The following LYL1 variants were observed in gnomAD, a reference collection of about 807,000 sequenced individuals.
The protein encoded by LYL1 is protein lyl-1.
A neutral mutation model predicts 11.1 loss-of-function variants in LYL1; 4 were observed. That is an observed-to-expected ratio of 0.36 (90% CI 0.18 to 0.82). The LOEUF is 0.82. LYL1 is among the 40% of genes least tolerant of loss of function. The pLI is 0.49. For missense variants in LYL1, 356 were observed against 397.6 expected, an observed-to-expected ratio of 0.90 and a Z score of 0.89; for synonymous variants, 179 against 174.8, an observed-to-expected ratio of 1.02 and a Z score of -0.19.
rs558303586 is a variant in LYL1, at chr19:13,099,304, T to C, written c.*15A>G. 57 of 1,265,052 alleles carry C rather than the reference T, an allele frequency of 4.5e-5. 1 individual carries two copies. In the Admixed American group the frequency reaches 1.7e-3, roughly 37 times the overall value. 78.4% of individuals were successfully genotyped at this position (1,265,052 alleles called of 1,614,324 possible). A position where few individuals can be genotyped will look rare whatever the true frequency, so the allele number is the denominator to read the frequency against. On this transcript the variant is annotated 3_prime_UTR_variant, in exon 4 of 4. Coordinates refer to ENST00000264824, the MANE Select transcript of LYL1 (RefSeq NM_005583.5). This position sits in a 1 kb window ranked among gnomAD's most constrained non-coding sequence, Gnocchi z 5.3. ...TCCCTGGTGCCCTCCGGCTCAGAGG[T>C]GCTGCCGCGTGCGGTCACCGCACCT...
rs2018676488 is a variant in LYL1, at chr19:13,100,819, C to T, written c.335+18G>A. On this transcript the variant is annotated intron_variant, in intron 2 of 3. Coordinates refer to ENST00000264824, the MANE Select transcript of LYL1 (RefSeq NM_005583.5). ...GGCCCCCAATCCCCACTGCCCCCCA[C>T]CCCAGATCCCCACTGACCTGTTGAG... The T allele has an allele frequency of 6.3e-7, 1 of 1,588,784 alleles. No individual in the cohort carries two copies. The highest frequency in any genetic ancestry group is 1.3e-5 in the African/African-American group (1 of 74,450).
At position 13,099,631 on chromosome 19, in the gene LYL1, C is replaced by T. The variant is rs1415060481; in HGVS notation, c.531G>A (p.Leu177=). The T allele has an allele frequency of 9.0e-6, 14 of 1,555,118 alleles. No homozygotes were observed. The highest frequency in any genetic ancestry group is 7.8e-5 in the Admixed American group (4 of 51,394). Residue 177 remains leucine (L), a synonymous_variant, in exon 4 of 4, where the codon CTG becomes CTA. Transcript: ENST00000264824. This position sits in a 1 kb window ranked among gnomAD's most constrained non-coding sequence, Gnocchi z 5.3. ...GCTTCCGGTCGGGCGGGTGCGTCGGCAGCAGCTTCCTCAGCTCGGCGAAGG... is the reference window on the plus strand; with the variant it reads ...GCTTCCGGTCGGGCGGGTGCGTCGGTAGCAGCTTCCTCAGCTCGGCGAAGG... The part of the protein sequence containing the change: ...NGAFAELRKL[L]PTHPPDRKLS...
Position 13,099,630 on chromosome 19 carries a change from G to C in LYL1, c.532C>G (p.Pro178Ala). 1.3e-6 allele frequency: 2 copies of C among 1,555,164 alleles called. No individual in the cohort carries two copies. The highest frequency in any genetic ancestry group is 1.7e-6 in the Non-Finnish European group (2 of 1,150,010). ...GAFAELRKLL[P>A]THPPDRKLSK... ...AGCTTCCGGTCGGGCGGGTGCGTCGGCAGCAGCTTCCTCAGCTCGGCGAAG... is the reference window on the plus strand; with the variant it reads ...AGCTTCCGGTCGGGCGGGTGCGTCGCCAGCAGCTTCCTCAGCTCGGCGAAG... The change falls in exon 4 of 4, where the codon CCG becomes GCG. Residue 178 changes from proline to alanine, a missense_variant. Transcript: ENST00000264824. The surrounding 1 kb of genome is among the most constrained non-coding windows in gnomAD (Gnocchi z 5.3).
In LYL1 at chr19:13,099,579, C is replaced by G; in HGVS notation, c.583G>C (p.Ala195Pro). The G allele has an allele frequency of 6.4e-7, 1 of 1,551,248 alleles. No individual in the cohort carries two copies. The highest frequency in any genetic ancestry group is 8.7e-7 in the Non-Finnish European group (1 of 1,148,288). ...ACCAGGAAGCCGATGTACTTCATGG[C>G]TAGGCGGAGCACCTCGTTCTTGCTC... Reference protein sequence around the residue: ...KLSKNEVLRLAMKYIGFLVRL... With the variant: ...KLSKNEVLRLPMKYIGFLVRL... The change falls in exon 4 of 4, where the codon GCC becomes CCC. Residue 195 changes from alanine to proline, a missense_variant. By Grantham distance (27) the Ala-to-Pro change is conservative. Coordinates refer to ENST00000264824, the MANE Select transcript of LYL1 (RefSeq NM_005583.5). The surrounding 1 kb of genome is among the most constrained non-coding windows in gnomAD (Gnocchi z 5.3).
chr19:13,101,022 G>A lies in LYL1; in HGVS notation c.150C>T (p.Gly50=), dbSNP rs1398167574. The A allele has an allele frequency of 6.8e-7, 1 of 1,479,038 alleles. No homozygotes were observed. 91.6% of individuals were successfully genotyped at this position (1,479,038 alleles called of 1,614,324 possible). A position where few individuals can be genotyped will look rare whatever the true frequency, so the allele number is the denominator to read the frequency against. ...CAGGTGGCAGCCTGGGGGGCGAGGA[G>A]CCTCCTCGGTGGCCCACCTCCTCCA... is the stretch of plus-strand genomic sequence containing the variant. ...PQVEEVGHRG[G]SSPPRLPPGV... The change falls in exon 2 of 4, where the codon GGC becomes GGT. Residue 50 remains glycine (G), a synonymous_variant. Coordinates refer to ENST00000264824, the MANE Select transcript of LYL1 (RefSeq NM_005583.5). This position sits in a 1 kb window ranked among gnomAD's most constrained non-coding sequence, Gnocchi z 5.1.
rs138326911 is a variant in LYL1 at position 13,102,463 on chromosome 19, T to C, written c.-25+68A>G. The C allele has an allele frequency of 0.03, 5,502 of 183,160 alleles. 94 individuals carry two copies. The highest frequency in any genetic ancestry group is 0.064 in the Middle Eastern group (31 of 488). 11.3% of individuals were successfully genotyped at this position (183,160 alleles called of 1,614,324 possible). ...GCTGGTGAATGAATGAATGAAGGAA[T>C]GAACAAAGGAATGCAGGCTGGGTCC... is the stretch of plus-strand genomic sequence containing the variant. On this transcript the variant is annotated intron_variant, in intron 1 of 3. Transcript: ENST00000264824. The surrounding 1 kb of genome is among the most constrained non-coding windows in gnomAD (Gnocchi z 4.9).
rs1408971669 is a variant in LYL1 at position 13,101,309 on chromosome 19, G to A, written c.-24-114C>T. 4.6e-6 allele frequency: 2 copies of A among 437,952 alleles called. No homozygotes were observed. Among genetic ancestry groups the A allele is most frequent in the East Asian group, 3.6e-5 (1 of 27,580 alleles). The allele number at this position is 437,952 out of a possible 1,614,324, so 27.1% of individuals were successfully genotyped here. Reference sequence around the variant, plus strand: ...GGGAGGGGGAGGGGGAAAGGAGGAGGAGAGAAGTTTCAGTAGGCAAAGGCA... The same window carrying A: ...GGGAGGGGGAGGGGGAAAGGAGGAGAAGAGAAGTTTCAGTAGGCAAAGGCA... On this transcript the variant is annotated intron_variant, in intron 1 of 3. Coordinates refer to ENST00000264824, the MANE Select transcript of LYL1 (RefSeq NM_005583.5). The surrounding 1 kb of genome is among the most constrained non-coding windows in gnomAD (Gnocchi z 5.1).
chr19:13,100,619 G>T, intron 3 of LYL1, 38 bp downstream of exon 3: 1 of 1,586,344 alleles, frequency 6.3e-7, no homozygotes, highest in Non-Finnish European at 8.7e-7. Context: ...TGCACATACA[G>T]GCATACAAAC....
At position 13,102,277 on chromosome 19, in the gene LYL1, G is replaced by C. The variant is rs1309675027; in HGVS notation, c.-25+254C>G. On this transcript the variant is annotated intron_variant, in intron 1 of 3. Coordinates refer to ENST00000264824, the MANE Select transcript of LYL1 (RefSeq NM_005583.5). The surrounding 1 kb of genome is among the most constrained non-coding windows in gnomAD (Gnocchi z 4.9). The stretch of plus-strand genomic sequence containing the variant: ...TTACAGGCATGCACCACAATGCCCC[G>C]CGATCATCCACAGTTTTGCATACTG... The C allele has an allele frequency of 4.9e-6, 1 of 202,776 alleles. No individual in the cohort carries two copies. The highest frequency in any genetic ancestry group is 2.3e-5 in the African/African-American group (1 of 43,676). The allele number at this position is 202,776 out of a possible 1,614,324, so 12.6% of individuals were successfully genotyped here.
Position 13,099,448 on chromosome 19 carries a change from T to A in LYL1, c.714A>T (p.Gly238=). ...CTGCCGCCTCGGCCCTGCGTCCGGA[T>A]CCCCGGCGGGCGCCGTCGTCTGGGA... ...HRVPDDGARR[G]SGRRAEAAAR... Residue 238 remains glycine (G), a synonymous_variant, in exon 4 of 4, where the codon GGA becomes GGT. Coordinates refer to ENST00000264824, the MANE Select transcript of LYL1 (RefSeq NM_005583.5). The surrounding 1 kb of genome is among the most constrained non-coding windows in gnomAD (Gnocchi z 5.3). The A allele has an allele frequency of 2.5e-5, 31 of 1,256,456 alleles. No homozygotes were observed. The highest frequency in any genetic ancestry group is 3.1e-5 in the Non-Finnish European group (31 of 994,684). 77.8% of individuals were successfully genotyped at this position (1,256,456 alleles called of 1,614,324 possible).
Position 13,101,309 on chromosome 19 carries a change from G to T in LYL1, c.-24-114C>A, listed in dbSNP as rs1408971669. On this transcript the variant is annotated intron_variant, in intron 1 of 3. Coordinates refer to ENST00000264824, the MANE Select transcript of LYL1 (RefSeq NM_005583.5). The surrounding 1 kb of genome is among the most constrained non-coding windows in gnomAD (Gnocchi z 5.1). ...GGGAGGGGGAGGGGGAAAGGAGGAG[G>T]AGAGAAGTTTCAGTAGGCAAAGGCA... 4.6e-6 allele frequency: 2 copies of T among 437,950 alleles called. No individual in the cohort carries two copies. Among genetic ancestry groups the T allele is most frequent in the African/African-American group, 2.1e-5 (1 of 48,542 alleles). 27.1% of individuals were successfully genotyped at this position (437,950 alleles called of 1,614,324 possible). A position where few individuals can be genotyped will look rare whatever the true frequency, so the allele number is the denominator to read the frequency against.
At position 13,102,176 on chromosome 19, in the gene LYL1, C is replaced by A. The variant is rs1406043188; in HGVS notation, c.-25+355G>T. The A allele has an allele frequency of 4.9e-6, 1 of 202,730 alleles. No individual in the cohort carries two copies. The allele number at this position is 202,730 out of a possible 1,614,324, so 12.6% of individuals were successfully genotyped here. A position where few individuals can be genotyped will look rare whatever the true frequency, so the allele number is the denominator to read the frequency against. ...AATTTTTTTTGTAGAGGCAGGTTCT[C>A]ACTCTGTTGTCCAGGGTGGTCTGGA... On this transcript the variant is annotated intron_variant, in intron 1 of 3. Coordinates refer to ENST00000264824, the MANE Select transcript of LYL1 (RefSeq NM_005583.5). This position sits in a 1 kb window ranked among gnomAD's most constrained non-coding sequence, Gnocchi z 4.9.
chr19:13,102,737 C>T lies in LYL1; in HGVS notation c.-231G>A, dbSNP rs1451390849. ...AGCCGAGGTCTCCGCGTAGGTCCCCCCCAGGGAAAGTGAGCGGCTCCCGGG... is the reference window on the plus strand; with the variant it reads ...AGCCGAGGTCTCCGCGTAGGTCCCCTCCAGGGAAAGTGAGCGGCTCCCGGG... On this transcript the variant is annotated 5_prime_UTR_variant, in exon 1 of 4. Transcript: ENST00000264824. This position sits in a 1 kb window ranked among gnomAD's most constrained non-coding sequence, Gnocchi z 4.9. The T allele has an allele frequency of 1.3e-5, 2 of 154,876 alleles. No individual in the cohort carries two copies. The highest frequency in any genetic ancestry group is 3.4e-4 in the East Asian group (2 of 5,812). The allele number at this position is 154,876 out of a possible 1,614,324, so 9.6% of individuals were successfully genotyped here.
chr19:13,100,561 G>T, intron 3 of LYL1, 96 bp downstream of exon 3: 1 of 1,132,980 alleles, frequency 8.8e-7, no homozygotes, highest in Non-Finnish European at 1.3e-6. Flanking sequence ...GTAGAGGACA[G>T]ACATGAGCCC....
In LYL1 at chr19:13,102,779, C is replaced by T. The variant is rs1038941362; in HGVS notation, c.-273G>A. Reference sequence around the variant, plus strand: ...GCTCCCGGGCCGGCCCGCCTTCTCCCCGCCCCCGGCGGCCCGGTTTCCTCC... The same window carrying T: ...GCTCCCGGGCCGGCCCGCCTTCTCCTCGCCCCCGGCGGCCCGGTTTCCTCC... On this transcript the variant is annotated 5_prime_UTR_variant, in exon 1 of 4. Transcript: ENST00000264824. The surrounding 1 kb of genome is among the most constrained non-coding windows in gnomAD (Gnocchi z 4.9). 6.5e-6 allele frequency: 1 copy of T among 152,798 alleles called. No individual in the cohort carries two copies. Among genetic ancestry groups the T allele is most frequent in the African/African-American group, 2.4e-5 (1 of 41,462 alleles). The allele number at this position is 152,798 out of a possible 1,614,324, so 9.5% of individuals were successfully genotyped here. A position where few individuals can be genotyped will look rare whatever the true frequency, so the allele number is the denominator to read the frequency against.
intron 3 of LYL1, among the ~76,000 whole-genome samples, chr19:13,100,024 C>T (rs1378437066): frequency 1.3e-5 from 2 of 152,226 alleles, no homozygotes; most frequent in Non-Finnish European, 2.9e-5. Flanking sequence ...TTTGTTTGGT[C>T]TGGGAAGCTG....
rs987328794 is a variant in LYL1 at position 13,102,822 on chromosome 19, G to C, written c.-316C>G. 2 of 152,256 alleles carry C rather than the reference G, an allele frequency of 1.3e-5. No individual in the cohort carries two copies. The highest frequency in any genetic ancestry group is 4.8e-5 in the African/African-American group (2 of 41,434). 9.4% of individuals were successfully genotyped at this position (152,256 alleles called of 1,614,324 possible). ...TTTCCTCCCTCTCACCCCTGGCGGC[G>C]CAGCGGCCGGAGGATGCTGGCCCAG... On this transcript the variant is annotated 5_prime_UTR_variant, in exon 1 of 4. Coordinates refer to ENST00000264824, the MANE Select transcript of LYL1 (RefSeq NM_005583.5). This position sits in a 1 kb window ranked among gnomAD's most constrained non-coding sequence, Gnocchi z 4.9.
rs765299335 is a variant in LYL1, at chr19:13,101,040, C to G, written c.132G>C (p.Glu44Asp). The G allele has an allele frequency of 3.0e-5, 45 of 1,482,572 alleles. No homozygotes were observed. The Admixed American group carries it at 3.8e-4, about 13-fold the overall frequency. 91.8% of individuals were successfully genotyped at this position (1,482,572 alleles called of 1,614,324 possible). ...PASPGPPQVE[E>D]VGHRGGSSPP... The stretch of plus-strand genomic sequence containing the variant: ...GCGAGGAGCCTCCTCGGTGGCCCAC[C>G]TCCTCCACCTGCGGGGGCCCAGGCG... Residue 44 changes from glutamate (E) to aspartate (D), a missense_variant, in exon 2 of 4, where the codon GAG (glutamate) becomes GAC (aspartate). Glu to Asp is a conservative substitution (Grantham distance 45, BLOSUM62 2). Coordinates refer to ENST00000264824, the MANE Select transcript of LYL1 (RefSeq NM_005583.5). The surrounding 1 kb of genome is among the most constrained non-coding windows in gnomAD (Gnocchi z 5.1).
Position 13,101,866 on chromosome 19 carries a change from C to G in LYL1, c.-25+665G>C. ...TGACACTATGACCTCAAATGCTGAC[C>G]CTAGACCCCCAAACACTGACCCCAC... On this transcript the variant is annotated intron_variant, in intron 1 of 3. Coordinates refer to ENST00000264824, the MANE Select transcript of LYL1 (RefSeq NM_005583.5). The surrounding 1 kb of genome is among the most constrained non-coding windows in gnomAD (Gnocchi z 5.1). 4.3e-6 allele frequency: 1 copy of G among 232,410 alleles called. No homozygotes were observed. The highest frequency in any genetic ancestry group is 1.3e-3 in the Middle Eastern group (1 of 784). 14.4% of individuals were successfully genotyped at this position (232,410 alleles called of 1,614,324 possible).
Sources: gnomAD v4.1 joint callset for allele counts (sites outside exome capture counted in the v4.1 genomes callset) on GRCh38, gnomAD v4.1.1 for gene constraint, Gnocchi (gnomAD v3.1) non-coding constraint, MANE v1.5 for transcripts, NCBI Gene and HGNC (gene_info 2026-07-23, HGNC 2026-07-21) for gene names.